The following USP34 variants were observed in gnomAD, a reference collection of about 807,000 sequenced individuals.
The protein encoded by USP34 is ubiquitin specific peptidase 34, also known as ubiquitin carboxyl-terminal hydrolase 34.
USP34 carries 70 observed loss-of-function variants against 460.3 expected under a neutral mutation model. The observed-to-expected ratio is 0.15, with a 90% CI of 0.13 to 0.19. The LOEUF is 0.19. Ranked by LOEUF, USP34 falls within the 10% of genes least tolerant of loss-of-function variation. The pLI is 1.00. For missense variants in USP34, 3,985 were observed against 4,236.2 expected (o/e 0.94, Z 1.65); for synonymous variants, 1,647 against 1,405.3 (o/e 1.17, Z -3.85).
chr2:61,223,494 G>A (rs974761544), intron 62 of USP34, 198 bp from the exon 63 acceptor site: 18 of 558,218 alleles, frequency 3.2e-5, no homozygotes, highest in African/African-American at 1.1e-4. Context: ...GTAAATGAAA[G>A]CCCAAATGTA....
At chr2:61,452,410 G>A (rs547680136) in intron 1 of USP34, among the ~76,000 whole-genome samples, 1 of 135,562 alleles carries the variant, frequency 7.4e-6, no homozygotes. Flanking sequence ...TTGCAACCTC[G>A]ACCTCCGGGG....
chr2:61,242,932 C>T (rs564007210), intron 51 of USP34, among the ~76,000 whole-genome samples: 16 of 152,002 alleles, frequency 1.1e-4, no homozygotes, highest in African/African-American at 2.9e-4. Context: ...CTGCAATCTC[C>T]GCCTGGTTCA....
Position 61,349,217 on chromosome 2 carries a change from C to A in USP34, c.1543+33G>T. On this transcript the variant is annotated intron_variant, in intron 13 of 79. Coordinates refer to ENST00000398571, the MANE Select transcript of USP34 (RefSeq NM_014709.4). ...AGAAAACCACTATAAAAAACTAAGT[C>A]ATGTTGCCATGAATTTCTAAGGCTC... The A allele has an allele frequency of 2.5e-6, 4 of 1,603,830 alleles. No individual in the cohort carries two copies. The South Asian group carries it at 3.4e-5, about 14-fold the overall frequency.
intron 33 of USP34, among the ~76,000 whole-genome samples, chr2:61,292,869 A>G (rs574635291): frequency 2.0e-4 from 31 of 152,288 alleles, no homozygotes; most frequent in African/African-American, 7.0e-4. Flanking sequence ...TCACGGTGGT[A>G]AAGTTAACAT....
intron 75 of USP34, among the ~76,000 whole-genome samples, chr2:61,196,069 AT>A (rs71403398): frequency 0.016 from 657 of 41,478 alleles, no homozygotes; most frequent in African/African-American, 0.062. Context: ...ACCATGCACG[AT>A]TTTTTTTTTT....
chr2:61,226,998 T>C (rs1050362159), intron 62 of USP34, 69 bp downstream of exon 62: 21 of 1,501,286 alleles, frequency 1.4e-5, no homozygotes, highest in Middle Eastern at 1.8e-4. Context: ...GAAAAACTAG[T>C]GGTAAACAAT....
At chr2:61,352,858 A>AAGACGATGAAAT (rs1691985093) in intron 10 of USP34, among the ~76,000 whole-genome samples, 2 of 151,964 alleles carry the variant, frequency 1.3e-5, no homozygotes, top group African/African-American at 4.8e-5. Context: ...GACGATGAAA[A>AAGACGATGAAAT]CAAAGACGAT....
chr2:61,192,805 A>T, intron 76 of USP34, 96 bp downstream of exon 76: 1 of 948,128 alleles, frequency 1.1e-6, no homozygotes, highest in Non-Finnish European at 1.6e-6. Flanking sequence ...AAATGTCCCC[A>T]CTTTTCAGCA....
chr2:61,286,650 G>A lies in USP34; in HGVS notation c.4750-1693C>T, dbSNP rs747587184. Reference sequence around the variant, plus strand: ...AGCTTGGGCAACAGAGCTAGGCTCCGTCTCAAAAAAAAACCCCAAACCACT... The same window carrying A: ...AGCTTGGGCAACAGAGCTAGGCTCCATCTCAAAAAAAAACCCCAAACCACT... On this transcript the variant is annotated intron_variant, in intron 34 of 79. Coordinates refer to ENST00000398571, the MANE Select transcript of USP34 (RefSeq NM_014709.4). Among the ~76,000 whole-genome samples the A allele has an allele frequency of 5.9e-4, 90 of 151,634 alleles. 2 individuals carry two copies. The highest frequency in any genetic ancestry group is 3.4e-3 in the Middle Eastern group (1 of 294).
At chr2:61,410,107 T>C (rs1384193531) in intron 2 of USP34, among the ~76,000 whole-genome samples, 3 of 152,148 alleles carry the variant, frequency 2.0e-5, no homozygotes, top group East Asian at 1.9e-4. Flanking sequence ...CCAGAGGACT[T>C]TGGGATGATT....
At chr2:61,242,050 T>C (rs1284083865) in intron 51 of USP34, among the ~76,000 whole-genome samples, 1 of 152,104 alleles carries the variant, frequency 6.6e-6, no homozygotes, top group East Asian at 1.9e-4. Flanking sequence ...TAGAGAACAC[T>C]ATAAAGTTGA....
At chr2:61,375,854 A>AT (rs1692782817) in intron 8 of USP34, among the ~76,000 whole-genome samples, 1 of 151,948 alleles carries the variant, frequency 6.6e-6, no homozygotes, top group Admixed American at 6.6e-5. Flanking sequence ...TATCTATACA[A>AT]TGTGATACTA....
At chr2:61,431,260 T>G (rs969132702) in intron 1 of USP34, among the ~76,000 whole-genome samples, 1 of 152,198 alleles carries the variant, frequency 6.6e-6, no homozygotes, top group African/African-American at 2.4e-5. Context: ...TTTAGCTCTG[T>G]CACTCAGGCT....
intron 2 of USP34, among the ~76,000 whole-genome samples, chr2:61,417,570 T>C (rs923460915): frequency 2.0e-5 from 3 of 152,142 alleles, no homozygotes; most frequent in African/African-American, 7.2e-5. Context: ...ACCATGGATA[T>C]ACAAAAGAAG....
intron 10 of USP34, among the ~76,000 whole-genome samples, chr2:61,352,078 C>T (rs1351728381): frequency 1.3e-5 from 2 of 152,114 alleles, no homozygotes; most frequent in East Asian, 1.9e-4. Context: ...GCATTATATA[C>T]TTACCAGTTG....
intron 67 of USP34, 44 bp from the exon 68 acceptor site, chr2:61,214,738 A>T (rs775931155): frequency 1.6e-5 from 26 of 1,594,614 alleles, no homozygotes; most frequent in Non-Finnish European, 2.1e-5. Context: ...GTAAGATATA[A>T]AATAGACTGA....
intron 29 of USP34, among the ~76,000 whole-genome samples, chr2:61,300,196 T>C (rs1204707517): frequency 6.6e-6 from 1 of 152,184 alleles, no homozygotes; most frequent in Non-Finnish European, 1.5e-5. Flanking sequence ...AATCTTTTAA[T>C]GTTGTCCACT....
chr2:61,424,277 A>ATAATACAATG (rs1325513871), intron 1 of USP34, among the ~76,000 whole-genome samples: 1 of 152,246 alleles, frequency 6.6e-6, no homozygotes, highest in Non-Finnish European at 1.5e-5. Context: ...CTAGGCAACC[A>ATAATACAATG]TAATACAATG....
At chr2:61,371,006 C>T (rs541204364) in intron 8 of USP34, among the ~76,000 whole-genome samples, 74 of 152,108 alleles carry the variant, frequency 4.9e-4, no homozygotes, top group Non-Finnish European at 9.0e-4. Flanking sequence ...GAATTATCCC[C>T]AAGCCAAACT....
Sources: allele counts gnomAD v4.1 joint callset (sites outside exome capture counted in the v4.1 genomes callset), GRCh38; gene constraint gnomAD v4.1.1; transcripts MANE v1.5; gene names NCBI Gene and HGNC (gene_info 2026-07-23, HGNC 2026-07-21).